EGFL6: variants seen among roughly 807,000 people sequenced by gnomAD.
EGFL6 encodes the protein EGF like domain multiple 6.
EGFL6 carries 42 observed loss-of-function variants against 43.1 expected under a neutral mutation model. That is an observed-to-expected ratio of 0.98 (90% CI 0.76 to 1.26). The LOEUF (loss-of-function observed/expected upper bound fraction) is 1.26. Ranked by LOEUF, EGFL6 falls within the 50% of genes most tolerant of loss-of-function variation. The pLI is 0.00. For missense variants in EGFL6, 429 were observed against 427.8 expected (o/e 1.00, Z -0.02); for synonymous variants, 164 against 163.2 (o/e 1.01, Z -0.04).
intron 2 of EGFL6, among the ~76,000 whole-genome samples, chrX:13,591,707 C>T (rs1410569372): frequency 9.0e-6 from 1 of 110,981 alleles, no homozygotes; most frequent in Non-Finnish European, 1.9e-5. Flanking sequence ...TCACAGTCTA[C>T]CCAGGCCTTC....
chrX:13,591,921 C>T (rs2045565477), intron 2 of EGFL6, among the ~76,000 whole-genome samples: 1 of 111,908 alleles, frequency 8.9e-6, no homozygotes, highest in Non-Finnish European at 1.9e-5. Context: ...TGATGAAAAG[C>T]TTCAGATAGA....
chrX:13,582,061 CT>C (rs72120039), intron 1 of EGFL6, among the ~76,000 whole-genome samples: 21,246 of 100,898 alleles, frequency 0.21, 1,999 homozygotes, highest in East Asian at 0.6. Flanking sequence ...TATTTCTTTT[CT>C]TTTTTTTTTT....
chrX:13,600,687 C>T (rs2045629161), intron 4 of EGFL6, among the ~76,000 whole-genome samples: 1 of 97,031 alleles, frequency 1.0e-5, no homozygotes, highest in South Asian at 5.2e-4. Flanking sequence ...TACCTGAGGT[C>T]AGGAGTTCAA....
chrX:13,586,725 G>C (rs887759366), intron 1 of EGFL6, among the ~76,000 whole-genome samples: 5 of 111,825 alleles, frequency 4.5e-5, no homozygotes, highest in African/African-American at 1.6e-4. Context: ...CCACTCCTGT[G>C]TATATACCCA....
At chrX:13,598,886 TCA>T (rs1256455800) in intron 3 of EGFL6, among the ~76,000 whole-genome samples, 3 of 104,677 alleles carry the variant, frequency 2.9e-5, no homozygotes, top group Non-Finnish European at 5.8e-5. Context: ...TATATATAAT[TCA>T]CATATATATA....
intron 1 of EGFL6, among the ~76,000 whole-genome samples, chrX:13,572,691 T>C (rs1291166005): frequency 1.8e-5 from 2 of 112,161 alleles, no homozygotes; most frequent in South Asian, 3.7e-4. Flanking sequence ...GTAAAAATAA[T>C]GTGAGAGAGG....
At chrX:13,597,595 C>A (rs1257894726) in intron 3 of EGFL6, among the ~76,000 whole-genome samples, 1 of 111,495 alleles carries the variant, frequency 9.0e-6, no homozygotes. Flanking sequence ...ACCAGCCTGG[C>A]CAACATGGCA....
chrX:13,625,110 T>A (rs1405445159), intron 10 of EGFL6: 1 of 111,434 alleles, frequency 9.0e-6, no homozygotes, highest in Non-Finnish European at 1.9e-5. Context: ...TAAGGTTATG[T>A]TAAGTCTTAA....
At chrX:13,614,659 C>CA (rs2045709033) in intron 7 of EGFL6, among the ~76,000 whole-genome samples, 1 of 111,364 alleles carries the variant, frequency 9.0e-6, no homozygotes, top group African/African-American at 3.3e-5. Flanking sequence ...GTCAACTTTA[C>CA]AAAAAACTGG....
chrX:13,597,540 T>TA (rs765333327), intron 3 of EGFL6, among the ~76,000 whole-genome samples: 3 of 111,838 alleles, frequency 2.7e-5, no homozygotes, highest in Non-Finnish European at 5.6e-5. Context: ...TTCCGGCACT[T>TA]AGGGAGGTCG....
chrX:13,617,776 C>T lies in EGFL6; in HGVS notation c.825C>T (p.Thr275=). The T allele has an allele frequency of 4.1e-6, 5 of 1,211,050 alleles. No individual in the cohort carries two copies. The South Asian group carries it at 8.8e-5, about 21-fold the overall frequency. ...AGGAAGTCCTCAGAGCACCTGGTAC[C>T]ATCAAAGACAGAATCAAGAAGTTGC... ...SVKEVLRAPG[T]IKDRIKKLLA... The change falls in exon 8 of 12, where the codon ACC becomes ACT. Residue 275 remains threonine (T), a synonymous_variant. Coordinates refer to ENST00000361306, the MANE Select transcript of EGFL6 (RefSeq NM_015507.4).
In EGFL6 at chrX:13,589,588, G is replaced by A. The variant is rs759499428; in HGVS notation, c.107G>A (p.Arg36His). 2.5e-6 allele frequency: 3 copies of A among 1,209,297 alleles called. No individual in the cohort carries two copies. Among genetic ancestry groups the A allele is most frequent in the Admixed American group, 2.2e-5 (1 of 45,675 alleles). The change falls in exon 2 of 12, where the codon CGT (arginine) becomes CAT (histidine). Residue 36 changes from arginine (R) to histidine (H), a missense_variant. By Grantham distance (29) the Arg-to-His change is conservative (BLOSUM62 0). Transcript: ENST00000361306. ...ARHHGLLASA[R>H]QPGVCHYGTK... The stretch of plus-strand genomic sequence containing the variant: ...CATCACGGGTTGTTAGCATCGGCAC[G>A]TCAGCCTGGGGTCTGTCACTATGGA...
intron 1 of EGFL6, among the ~76,000 whole-genome samples, chrX:13,588,593 A>G (rs2045545874): frequency 9.0e-6 from 1 of 110,767 alleles, no homozygotes; most frequent in South Asian, 3.9e-4. Flanking sequence ...TTGGTGGGGG[A>G]CAGGGGGCTC....
At chrX:13,589,511 T>C in intron 1 of EGFL6, 45 bp from the exon 2 acceptor site, 3 of 1,080,723 alleles carry the variant, frequency 2.8e-6, no homozygotes, top group Non-Finnish European at 3.8e-6. Context: ...GTTTCTGTTG[T>C]CTTTTCTATT....
intron 5 of EGFL6, among the ~76,000 whole-genome samples, chrX:13,603,930 G>C (rs1257675761): frequency 8.9e-6 from 1 of 112,140 alleles, no homozygotes; most frequent in African/African-American, 3.2e-5. Flanking sequence ...CTTGCTCCAA[G>C]TTATATGAAC....
chrX:13,611,598 A>C (rs749429718), intron 7 of EGFL6, among the ~76,000 whole-genome samples: 1 of 112,393 alleles, frequency 8.9e-6, no homozygotes, highest in Non-Finnish European at 1.9e-5. Flanking sequence ...TAAGCATGCA[A>C]TTAGATAGTT....
rs144069148 is a variant in EGFL6 at position 13,627,087 on chromosome X, T to C, written c.1362T>C (p.Pro454=). ...TTGGCCGATTGAAACTTCTCCTACCTGACCTGCAACCCCAAAGCAACTTCT... is the reference window on the plus strand; with the variant it reads ...TTGGCCGATTGAAACTTCTCCTACCCGACCTGCAACCCCAAAGCAACTTCT... ...KDIGRLKLLL[P]DLQPQSNFCL... The change falls in exon 11 of 12, where the codon CCT becomes CCC. Residue 454 remains proline (P), a synonymous_variant. Transcript: ENST00000361306. 5.8e-6 allele frequency: 7 copies of C among 1,210,897 alleles called. No homozygotes were observed. In the African/African-American group the frequency reaches 1.2e-4, roughly 21 times the overall value.
chrX:13,612,851 A>G (rs896212837), intron 7 of EGFL6, among the ~76,000 whole-genome samples: 2 of 112,396 alleles, frequency 1.8e-5, no homozygotes, highest in South Asian at 7.2e-4. Flanking sequence ...TTATTATATA[A>G]TCTAGGGCAT....
chrX:13,609,585 C>T (rs190202944), intron 7 of EGFL6, among the ~76,000 whole-genome samples: 1 of 110,436 alleles, frequency 9.1e-6, no homozygotes, highest in Non-Finnish European at 1.9e-5. Context: ...AACCCTGTCC[C>T]TACTAAAAAT....
Sources: gnomAD v4.1 joint callset for allele counts (sites outside exome capture counted in the v4.1 genomes callset) on GRCh38, gnomAD v4.1.1 for gene constraint, MANE v1.5 for transcripts, NCBI Gene and HGNC (gene_info 2026-07-23, HGNC 2026-07-21) for gene names.